Variants in PACS1 observed in about 807,000 individuals in gnomAD.
PACS1 encodes PACS-1.
In PACS1, 24 loss-of-function variants were observed where a neutral mutation model predicts 115.0. The ratio of observed to expected loss-of-function variants is 0.21; its 90% CI spans 0.15 to 0.29. The LOEUF is 0.29. Ranked by LOEUF, PACS1 falls within the 10% of genes least tolerant of loss-of-function variation. PACS1 has a pLI of 1.00. For synonymous variants in PACS1, 453 were observed against 504.5 expected (o/e 0.90, Z 1.37); for missense variants, 838 against 1,251.2 (o/e 0.67, Z 4.98).
At chr11:66,228,575 C>G (rs1344959540) in intron 11 of PACS1, among the ~76,000 whole-genome samples, 1 of 152,136 alleles carries the variant, frequency 6.6e-6, no homozygotes, top group Non-Finnish European at 1.5e-5. Flanking sequence ...TGTGTCACTT[C>G]CTGATTAAAA....
intron 1 of PACS1, among the ~76,000 whole-genome samples, chr11:66,133,796 C>T (rs1301019651): frequency 2.6e-5 from 4 of 152,186 alleles, no homozygotes; most frequent in African/African-American, 7.2e-5. Flanking sequence ...TGAGCCACTG[C>T]GCCCAGCCAG....
At chr11:66,194,518 A>C (rs1488060936) in intron 2 of PACS1, among the ~76,000 whole-genome samples, 2 of 152,180 alleles carry the variant, frequency 1.3e-5, no homozygotes, top group African/African-American at 2.4e-5. Context: ...GCTAATTACC[A>C]AGCGACAGAA....
At chr11:66,217,131 G>T in intron 7 of PACS1, 1 of 330,166 alleles carries the variant, frequency 3.0e-6, no homozygotes, top group East Asian at 7.8e-5. Flanking sequence ...GAGAAAGCCA[G>T]CTCCCTCTAG....
intron 1 of PACS1, among the ~76,000 whole-genome samples, chr11:66,145,057 T>C (rs1406498556): frequency 6.6e-6 from 1 of 152,208 alleles, no homozygotes; most frequent in African/African-American, 2.4e-5. Flanking sequence ...ATCAGAACTT[T>C]AGTAGTTACA....
chr11:66,218,859 T>TA (rs142576194), intron 7 of PACS1, among the ~76,000 whole-genome samples: 195 of 129,368 alleles, frequency 1.5e-3, no homozygotes, highest in African/African-American at 2.6e-3. Context: ...ACTCCATCTC[T>TA]AAAAAAAAAA....
At position 66,241,581 on chromosome 11, in the gene PACS1, C is replaced by A; in HGVS notation, c.2584C>A (p.Pro862Thr). The change falls in exon 22 of 24, where the codon CCC becomes ACC. Residue 862 changes from proline to threonine, a missense_variant. Pro to Thr is a conservative substitution (Grantham distance 38, BLOSUM62 -1). Transcript: ENST00000320580. ...VFRSVQVSRL[P>T]HSGEAQLSGT... is the part of the protein sequence containing the mutation. ...CCGCTCAGTGCAGGTGTCCCGCCTG[C>A]CCCATAGTGGGGAGGCCCAGCTTTC... 1 of 1,614,196 alleles carries A rather than the reference C, an allele frequency of 6.2e-7. No individual in the cohort carries two copies. Among genetic ancestry groups the A allele is most frequent in the Non-Finnish European group, 8.5e-7 (1 of 1,180,020 alleles).
At chr11:66,184,864 C>T (rs935406722) in intron 1 of PACS1, among the ~76,000 whole-genome samples, 2 of 152,152 alleles carry the variant, frequency 1.3e-5, no homozygotes, top group Non-Finnish European at 2.9e-5. Flanking sequence ...CAGTAAAAGG[C>T]TGATGGAGGT....
At chr11:66,149,733 A>G (rs1859196177) in intron 1 of PACS1, among the ~76,000 whole-genome samples, 1 of 151,722 alleles carries the variant, frequency 6.6e-6, no homozygotes, top group African/African-American at 2.4e-5. Context: ...AGTACATTAT[A>G]AGATCTTTGG....
intron 3 of PACS1, 110 bp from the exon 4 acceptor site, chr11:66,211,024 C>G (rs1398617771): frequency 7.7e-7 from 1 of 1,296,842 alleles, no homozygotes. Flanking sequence ...CTGACTGCCC[C>G]CTTTTAGAGA....
intron 1 of PACS1, among the ~76,000 whole-genome samples, chr11:66,112,282 T>C (rs576204925): frequency 6.6e-6 from 1 of 152,308 alleles, no homozygotes; most frequent in South Asian, 2.1e-4. Context: ...CCTCTTCGCC[T>C]AGTTTGCTGC....
chr11:66,224,586 C>A (rs558473866), intron 10 of PACS1, among the ~76,000 whole-genome samples: 13 of 152,298 alleles, frequency 8.5e-5, no homozygotes, highest in African/African-American at 3.1e-4. Flanking sequence ...ATCTAGATGT[C>A]TTTTTAGTGA....
At chr11:66,159,074 GA>G (rs995137669) in intron 1 of PACS1, among the ~76,000 whole-genome samples, 1 of 152,164 alleles carries the variant, frequency 6.6e-6, no homozygotes, top group Non-Finnish European at 1.5e-5. Context: ...AAGCCTGATG[GA>G]AAAATTTTCA....
At chr11:66,178,732 G>A (rs371645538) in intron 1 of PACS1, among the ~76,000 whole-genome samples, 2 of 152,000 alleles carry the variant, frequency 1.3e-5, no homozygotes, top group East Asian at 1.9e-4. Context: ...TCTCTTTACT[G>A]TGTGGCTTAA....
At chr11:66,214,201 C>A (rs780138616) in intron 4 of PACS1, among the ~76,000 whole-genome samples, 2 of 152,236 alleles carry the variant, frequency 1.3e-5, no homozygotes, top group East Asian at 3.9e-4. Flanking sequence ...TAAATAGGAA[C>A]AATTTTGTGG....
chr11:66,182,469 CT>C (rs369090815), intron 1 of PACS1, among the ~76,000 whole-genome samples: 1,513 of 146,310 alleles, frequency 0.01, 30 homozygotes, highest in African/African-American at 0.035. Context: ...AGTTGCTTTG[CT>C]TTTTTTTTTT....
intron 1 of PACS1, among the ~76,000 whole-genome samples, chr11:66,137,416 A>G (rs1858872584): frequency 6.6e-6 from 1 of 152,166 alleles, no homozygotes; most frequent in Non-Finnish European, 1.5e-5. Flanking sequence ...TTGAAATGCC[A>G]TTATATTAAA....
At chr11:66,111,661 T>A (rs1425385402) in intron 1 of PACS1, among the ~76,000 whole-genome samples, 3 of 152,198 alleles carry the variant, frequency 2.0e-5, no homozygotes, top group Non-Finnish European at 2.9e-5. Flanking sequence ...TGTTTTGTTT[T>A]GTTTTTTGTT....
At position 66,117,647 on chromosome 11, in the gene PACS1, G is replaced by C. The variant is rs550292767; in HGVS notation, c.356+46805G>C. Among the ~76,000 whole-genome samples, 5 of 151,914 alleles carry C rather than the reference G, an allele frequency of 3.3e-5. No homozygotes were observed. In the South Asian group the frequency reaches 8.3e-4, roughly 25 times the overall value. ...GGATCACCTGAGGTCGGGAGTTCGC[G>C]ACCAGCCTGACCAACATGGAGAAAC... is the stretch of plus-strand genomic sequence containing the variant. On this transcript the variant is annotated intron_variant, in intron 1 of 23. Coordinates refer to ENST00000320580, the MANE Select transcript of PACS1 (RefSeq NM_018026.4).
intron 1 of PACS1, among the ~76,000 whole-genome samples, chr11:66,085,428 G>T (rs1220913906): frequency 6.6e-6 from 1 of 152,174 alleles, no homozygotes; most frequent in African/African-American, 2.4e-5. Flanking sequence ...TTTGCAGTTT[G>T]AACTCCTATT....
Sources: gnomAD v4.1 joint callset for allele counts (sites outside exome capture counted in the v4.1 genomes callset) on GRCh38, gnomAD v4.1.1 for gene constraint, MANE v1.5 for transcripts, NCBI Gene and HGNC (gene_info 2026-07-23, HGNC 2026-07-21) for gene names.